WNT9B: variants seen among roughly 807,000 people sequenced by gnomAD.
WNT9B encodes Wnt family member 9B.
In WNT9B, 12 loss-of-function variants were observed where a neutral mutation model predicts 30.2. The ratio of observed to expected loss-of-function variants is 0.40; its 90% CI spans 0.26 to 0.64. The LOEUF is 0.64. Ranked by LOEUF, WNT9B falls within the 30% of genes least tolerant of loss-of-function variation. The pLI, the probability that WNT9B is intolerant of heterozygous loss-of-function variation, is 0.42. For missense variants in WNT9B, 442 were observed against 485.2 expected (o/e 0.91, Z 0.84); for synonymous variants, 218 against 216.9 (o/e 1.01, Z -0.05).
intron 1 of WNT9B, among the ~76,000 whole-genome samples, chr17:46,839,687 C>T (rs2084676430): frequency 6.6e-6 from 1 of 152,146 alleles, no homozygotes; most frequent in Non-Finnish European, 1.5e-5. Context: ...CCCCCAGTCC[C>T]CCCCGCCAAG....
At chr17:46,876,209 G>A (rs1368742874) in intron 3 of WNT9B, 36 bp from the exon 4 acceptor site, 1 of 1,550,288 alleles carries the variant, frequency 6.5e-7, no homozygotes, top group African/African-American at 1.4e-5. Context: ...CTGGGCCCAG[G>A]CCTCTGACCA....
chr17:46,840,996 C>T (rs2084706345), intron 1 of WNT9B, among the ~76,000 whole-genome samples: 1 of 152,182 alleles, frequency 6.6e-6, no homozygotes, highest in Non-Finnish European at 1.5e-5. Flanking sequence ...TTCTCCTTTC[C>T]TGTGCCCCTG....
intron 1 of WNT9B, among the ~76,000 whole-genome samples, chr17:46,837,757 C>G (rs2084650737): frequency 6.6e-6 from 1 of 152,182 alleles, no homozygotes; most frequent in Non-Finnish European, 1.5e-5. Flanking sequence ...TCCCACTCAC[C>G]AGGCAGAGGA....
At chr17:46,873,622 G>T (rs996940678) in intron 2 of WNT9B, among the ~76,000 whole-genome samples, 3 of 152,170 alleles carry the variant, frequency 2.0e-5, no homozygotes, top group African/African-American at 7.2e-5. Context: ...ACTTTGGGAG[G>T]CCGAAGCGGG....
intron 1 of WNT9B, among the ~76,000 whole-genome samples, chr17:46,863,853 T>C (rs752944166): frequency 7.9e-5 from 12 of 152,130 alleles, no homozygotes; most frequent in Non-Finnish European, 1.3e-4. Flanking sequence ...CGCTCACAAC[T>C]ACATCCATCC....
At chr17:46,871,599 T>G (rs1385606457) in intron 1 of WNT9B, among the ~76,000 whole-genome samples, 2 of 152,300 alleles carry the variant, frequency 1.3e-5, no homozygotes, top group East Asian at 1.9e-4. Flanking sequence ...TTAGTCCATT[T>G]CATATAATCC....
chr17:46,853,200 T>C (rs1289449172), intron 1 of WNT9B, among the ~76,000 whole-genome samples: 1 of 152,006 alleles, frequency 6.6e-6, no homozygotes, highest in African/African-American at 2.4e-5. Flanking sequence ...ACTTGCTAGG[T>C]GTGCTCTTGG....
At chr17:46,837,987 C>T (rs1332970954) in intron 1 of WNT9B, among the ~76,000 whole-genome samples, 1 of 152,116 alleles carries the variant, frequency 6.6e-6, no homozygotes, top group Non-Finnish European at 1.5e-5. Flanking sequence ...TGTACATCAC[C>T]GTCTTTCTCC....
In WNT9B at chr17:46,872,544, C is replaced by CT; in HGVS notation, c.107dup (p.Gly38ArgfsTer19). The CT allele has an allele frequency of 6.4e-7, 1 of 1,564,966 alleles. No homozygotes were observed. The highest frequency in any genetic ancestry group is 8.7e-7 in the Non-Finnish European group (1 of 1,153,030). On this transcript the variant is annotated frameshift_variant, in exon 2 of 4. Coordinates refer to ENST00000290015, the MANE Select transcript of WNT9B (RefSeq NM_003396.3). LOFTEE classifies it high-confidence loss of function. Reference sequence around the variant, plus strand: ...TGACCGGGCGGGAAGTCCTGACGCCCTTCCCAGGATTGGGCACTGCGGCAG... The same window carrying CT: ...TGACCGGGCGGGAAGTCCTGACGCCCTTTCCCAGGATTGGGCACTGCGGCAG...
intron 1 of WNT9B, among the ~76,000 whole-genome samples, chr17:46,856,332 C>T (rs183357531): frequency 4.6e-5 from 7 of 152,290 alleles, no homozygotes; most frequent in African/African-American, 7.2e-5. Flanking sequence ...GTGCTAAGTG[C>T]TCAGTCCAGG....
Position 46,875,282 on chromosome 17 carries a change from T to G in WNT9B, c.516T>G (p.Phe172Leu). Residue 172 changes from phenylalanine (F) to leucine (L), a missense_variant, in exon 3 of 4, where the codon TTT becomes TTG. Physicochemically the swap from Phe to Leu is conservative, Grantham distance 22. Transcript: ENST00000290015. ...ACAACCTCAAGTACAGCACCAAGTT[T>G]CTGAGCAACTTCCTGGGGTCCAAGA... Reference protein sequence around the residue: ...CGDNLKYSTKFLSNFLGSKRG... With the variant: ...CGDNLKYSTKLLSNFLGSKRG... 6.2e-7 allele frequency: 1 copy of G among 1,614,142 alleles called. No individual in the cohort carries two copies.
Position 46,866,057 on chromosome 17 carries a change from T to C in WNT9B, c.78-6460T>C, listed in dbSNP as rs76488242. On this transcript the variant is annotated intron_variant, in intron 1 of 3. Coordinates refer to ENST00000290015, the MANE Select transcript of WNT9B (RefSeq NM_003396.3). ...GGAAATAGTAGCTTCCGAATTTGCC[T>C]GGCTGCAGGACGTCATGGAGGAGGT... 2.8e-3 allele frequency among the ~76,000 whole-genome samples: 428 copies of C among 152,302 alleles called. 2 individuals carry two copies. The highest frequency in any genetic ancestry group is 9.9e-3 in the African/African-American group (411 of 41,556).
rs761421453 is a variant in WNT9B, at chr17:46,875,118, T to C, written c.352T>C (p.Phe118Leu). The C allele has an allele frequency of 6.2e-7, 1 of 1,613,834 alleles. No individual in the cohort carries two copies. The highest frequency in any genetic ancestry group is 1.1e-5 in the South Asian group (1 of 91,086). ...CGATCCAGGCTTCAAAGAGACAGCT[T>C]TCCTGTACGCGGTGTCCTCTGCCGC... ...LLKRGFKETA[F>L]LYAVSSAALT... Residue 118 changes from phenylalanine to leucine, a missense_variant, in exon 3 of 4, where the codon TTC becomes CTC. Physicochemically the swap from Phe to Leu is conservative, Grantham distance 22. Transcript: ENST00000290015.
At position 46,856,466 on chromosome 17, in the gene WNT9B, A is replaced by G. The variant is rs535140973; in HGVS notation, c.77+4751A>G. ...TCCCCCCAAATCGTTGTTATATACA[A>G]TGAAATGCATGCTTTTTCTTTCTTT... On this transcript the variant is annotated intron_variant, in intron 1 of 3. Transcript: ENST00000290015. 3.3e-5 allele frequency among the ~76,000 whole-genome samples: 5 copies of G among 151,902 alleles called. No homozygotes were observed. In the South Asian group the frequency reaches 1.0e-3, roughly 32 times the overall value.
upstream of WNT9B, among the ~76,000 whole-genome samples, chr17:46,850,142 G>C (rs2084824223): frequency 6.6e-6 from 1 of 152,210 alleles, no homozygotes; most frequent in Non-Finnish European, 1.5e-5. Context: ...GAGCCAACGT[G>C]CCTGGCCAGC....
downstream of WNT9B, among the ~76,000 whole-genome samples, chr17:46,882,044 G>T (rs546395672): frequency 6.6e-6 from 1 of 152,112 alleles, no homozygotes; most frequent in South Asian, 2.1e-4. Flanking sequence ...TAATCCCAGC[G>T]ATTGGAGAGG....
chr17:46,866,326 G>A (rs754963237), intron 1 of WNT9B, among the ~76,000 whole-genome samples: 1 of 152,180 alleles, frequency 6.6e-6, no homozygotes, highest in Non-Finnish European at 1.5e-5. Flanking sequence ...GGAGCGGAGA[G>A]CACAGGAGGG....
chr17:46,861,180 C>A (rs1049275845), intron 1 of WNT9B, among the ~76,000 whole-genome samples: 1 of 152,246 alleles, frequency 6.6e-6, no homozygotes, highest in Non-Finnish European at 1.5e-5. Context: ...GTGGCCCAGG[C>A]CCTGCACTTG....
chr17:46,838,381 T>C lies in WNT9B; in HGVS notation c.95+4941T>C, dbSNP rs111302929. ...GTGGCTTATGCTTGTAATCCCAACT[T>C]TTTGGAAGGCCAAGGCAGGAGGATC... On this transcript the variant is annotated intron_variant, in intron 1 of 2. Transcript: ENST00000575372. Among the ~76,000 whole-genome samples the C allele has an allele frequency of 5.4e-3, 824 of 151,322 alleles. 13 individuals carry two copies. The highest frequency in any genetic ancestry group is 0.018 in the African/African-American group (756 of 41,268).
Sources: gnomAD v4.1 joint callset for allele counts (sites outside exome capture counted in the v4.1 genomes callset) on GRCh38, gnomAD v4.1.1 for gene constraint, MANE v1.5 for transcripts, NCBI Gene and HGNC (gene_info 2026-07-23, HGNC 2026-07-21) for gene names.